CTNNA2: variants seen among roughly 807,000 people sequenced by gnomAD.
CTNNA2 encodes catenin alpha 2, also known as catenin alpha-2.
Under a neutral mutation model 101.0 loss-of-function variants are expected in CTNNA2, and 42 were observed. The ratio of observed to expected loss-of-function variants is 0.42; its 90% CI spans 0.32 to 0.54. CTNNA2 has a LOEUF of 0.54. Ranked by LOEUF, CTNNA2 falls within the 20% of genes least tolerant of loss-of-function variation. The pLI is 0.14. For synonymous variants in CTNNA2, 450 were observed against 456.4 expected (o/e 0.99, Z 0.18); for missense variants, 871 against 1,223.1 (o/e 0.71, Z 4.29).
rs1238090994 is a variant in CTNNA2 at position 79,744,588 on chromosome 2, C to A, written c.298+6C>A. 4 of 1,611,924 alleles carry A rather than the reference C, an allele frequency of 2.5e-6. No homozygotes were observed. In the African/African-American group the frequency reaches 5.3e-5, roughly 22 times the overall value. On this transcript the variant is annotated splice_donor_region_variant and intron_variant, in intron 3 of 18. Transcript: ENST00000402739. ...AGAGGATGTGCGCAAACAAGGTAGG[C>A]AGAATGATATTATTGTTCAAGGCGG...
intron 7 of CTNNA2, among the ~76,000 whole-genome samples, chr2:80,317,000 G>A (rs1275219047): frequency 1.3e-5 from 2 of 152,078 alleles, no homozygotes; most frequent in African/African-American, 2.4e-5. Flanking sequence ...TTGAGGTGGT[G>A]GTATTTGAGT....
intron 3 of CTNNA2, among the ~76,000 whole-genome samples, chr2:79,768,856 T>TTTTGC (rs1449001231): frequency 6.6e-6 from 1 of 151,976 alleles, no homozygotes; most frequent in Non-Finnish European, 1.5e-5. Flanking sequence ...GACTGTTTTG[T>TTTTGC]TTTGCTTATG....
chr2:79,651,735 G>A (rs1345210801), intron 2 of CTNNA2, 77 bp downstream of exon 2: 2 of 1,215,720 alleles, frequency 1.6e-6, no homozygotes, highest in Non-Finnish European at 2.4e-6. Context: ...GAAAAACTTA[G>A]ACATCCTTAA....
chr2:80,003,008 C>A (rs1693067737), intron 7 of CTNNA2, among the ~76,000 whole-genome samples: 1 of 152,140 alleles, frequency 6.6e-6, no homozygotes, highest in Non-Finnish European at 1.5e-5. Context: ...AAGACATTCC[C>A]TACCCACTTA....
chr2:79,739,877 G>C (rs1444887334), intron 2 of CTNNA2, among the ~76,000 whole-genome samples: 1 of 152,192 alleles, frequency 6.6e-6, no homozygotes, highest in Non-Finnish European at 1.5e-5. Flanking sequence ...TCATAATTCT[G>C]ATACTCACTA....
intron 2 of CTNNA2, among the ~76,000 whole-genome samples, chr2:79,301,397 G>A (rs537276604): frequency 1.3e-5 from 2 of 152,244 alleles, no homozygotes; most frequent in South Asian, 2.1e-4. Flanking sequence ...ACTGGTTACT[G>A]TGTAGAGCTC....
intron 17 of CTNNA2, among the ~76,000 whole-genome samples, chr2:80,611,935 T>G (rs1348731582): frequency 1.3e-5 from 2 of 151,532 alleles, no homozygotes; most frequent in African/African-American, 4.8e-5. Flanking sequence ...ACAAAAATGG[T>G]ACAAATTTTA....
intron 1 of CTNNA2, among the ~76,000 whole-genome samples, chr2:79,579,354 C>A (rs767887025): frequency 5.3e-5 from 8 of 151,658 alleles, no homozygotes; most frequent in Admixed American, 2.0e-4. Context: ...CCCTGTGGCC[C>A]TAGAATGAGG....
At chr2:79,647,993 C>CA (rs1264294922) in intron 1 of CTNNA2, among the ~76,000 whole-genome samples, 1 of 152,182 alleles carries the variant, frequency 6.6e-6, no homozygotes, top group Non-Finnish European at 1.5e-5. Flanking sequence ...AATGTCTACT[C>CA]ACGTCATATT....
At chr2:80,015,321 T>C (rs75282617) in intron 7 of CTNNA2, among the ~76,000 whole-genome samples, 1 of 152,124 alleles carries the variant, frequency 6.6e-6, no homozygotes, top group Admixed American at 6.5e-5. Context: ...AATGCTATAA[T>C]TGAGAGAAAG....
At chr2:79,609,839 A>G (rs759183584) in intron 1 of CTNNA2, among the ~76,000 whole-genome samples, 13 of 152,108 alleles carry the variant, frequency 8.5e-5, no homozygotes, top group Non-Finnish European at 1.9e-4. Flanking sequence ...CGAAAACTCT[A>G]AAACTTCTAG....
intron 4 of CTNNA2, 53 bp downstream of exon 4, chr2:79,858,232 CGT>C (rs1681297635): frequency 7.0e-7 from 1 of 1,425,598 alleles, no homozygotes; most frequent in Non-Finnish European, 9.8e-7. Context: ...CAATCTTGAC[CGT>C]GTGTATTACA....
chr2:79,647,863 G>C (rs760592169), intron 1 of CTNNA2, among the ~76,000 whole-genome samples: 4 of 152,328 alleles, frequency 2.6e-5, no homozygotes, highest in Non-Finnish European at 4.4e-5. Flanking sequence ...TCCAGCTCCA[G>C]CTCGGATTCA....
At chr2:79,427,638 A>T (rs1027542550) in intron 4 of CTNNA2, among the ~76,000 whole-genome samples, 8 of 151,592 alleles carry the variant, frequency 5.3e-5, no homozygotes, top group Admixed American at 5.3e-4. Context: ...AAAAATAATA[A>T]CTGTACTCAA....
intron 7 of CTNNA2, among the ~76,000 whole-genome samples, chr2:79,968,772 A>G (rs1234612444): frequency 6.6e-6 from 1 of 151,824 alleles, no homozygotes; most frequent in East Asian, 1.9e-4. Flanking sequence ...TATGTTAGTT[A>G]TTTGTCTTCG....
chr2:80,405,595 G>A (rs549823558), intron 8 of CTNNA2, among the ~76,000 whole-genome samples: 8 of 152,262 alleles, frequency 5.3e-5, no homozygotes, highest in Non-Finnish European at 1.0e-4. Flanking sequence ...CTCCATGCCA[G>A]AAACTGAACT....
At chr2:79,388,769 T>C (rs974053473) in intron 4 of CTNNA2, among the ~76,000 whole-genome samples, 40 of 151,724 alleles carry the variant, frequency 2.6e-4, no homozygotes, top group South Asian at 1.9e-3. Flanking sequence ...CCATCCTTTT[T>C]CTTTCTCTCT....
chr2:79,410,560 C>G (rs1036828409), intron 4 of CTNNA2, among the ~76,000 whole-genome samples: 1 of 152,006 alleles, frequency 6.6e-6, no homozygotes, highest in Non-Finnish European at 1.5e-5. Context: ...TTGAGATAAT[C>G]GTGTGGTTTG....
chr2:80,500,585 T>C (rs1687804260), intron 9 of CTNNA2, among the ~76,000 whole-genome samples: 1 of 152,210 alleles, frequency 6.6e-6, no homozygotes, highest in Non-Finnish European at 1.5e-5. Flanking sequence ...TATCTGTCGT[T>C]CAGAGATTGG....
Sources: allele counts gnomAD v4.1 joint callset (sites outside exome capture counted in the v4.1 genomes callset), GRCh38; gene constraint gnomAD v4.1.1; transcripts MANE v1.5; gene names NCBI Gene and HGNC (gene_info 2026-07-23, HGNC 2026-07-21).